ADGRG6: variants seen among roughly 807,000 people sequenced by gnomAD.
ADGRG6 encodes the protein G-protein coupled receptor 126.
In ADGRG6, 84 loss-of-function variants were observed where a neutral mutation model predicts 142.4. That is an observed-to-expected ratio of 0.59 (90% CI 0.49 to 0.71). The LOEUF is 0.71. Ranked by LOEUF, ADGRG6 falls within the 30% of genes least tolerant of loss-of-function variation. ADGRG6 has a pLI of 0.00. For synonymous variants in ADGRG6, 521 were observed against 520.5 expected, an observed-to-expected ratio of 1.00 and a Z score of -0.01; for missense variants, 1,367 against 1,466.6, an observed-to-expected ratio of 0.93 and a Z score of 1.11.
rs1776618158 is a variant in ADGRG6, at chr6:142,420,647, T to C, written c.3319+543T>C. The stretch of plus-strand genomic sequence containing the variant: ...AACTTTTATCTTTTTATGAGAAATG[T>C]TGAACATTTCACAGTTAGTTCAACA... On this transcript the variant is annotated intron_variant, in intron 22 of 24. Transcript: ENST00000367609. Among the ~76,000 whole-genome samples, 5 of 151,940 alleles carry C rather than the reference T, an allele frequency of 3.3e-5. No individual in the cohort carries two copies. The South Asian group carries it at 1.0e-3, about 31-fold the overall frequency.
chr6:142,331,762 G>A (rs1239863092), intron 2 of ADGRG6, among the ~76,000 whole-genome samples: 1 of 152,030 alleles, frequency 6.6e-6, no homozygotes, highest in African/African-American at 2.4e-5. Flanking sequence ...TTGTGACTAA[G>A]TAGGAAAATA....
chr6:142,443,970 T>C lies in ADGRG6; in HGVS notation c.*455T>C, dbSNP rs1562400644. On this transcript the variant is annotated 3_prime_UTR_variant, in exon 25 of 25. Transcript: ENST00000367609. ...TGAATGCCCACAAATCCCATTCCAG[T>C]GTTACTTTCTGTGAATGCAGTACCA... 1 of 152,650 alleles carries C rather than the reference T, an allele frequency of 6.6e-6. No homozygotes were observed. Among genetic ancestry groups the C allele is most frequent in the Admixed American group, 6.5e-5 (1 of 15,302 alleles). 9.5% of individuals were successfully genotyped at this position (152,650 alleles called of 1,614,324 possible).
chr6:142,305,272 A>G (rs1777431605), intron 1 of ADGRG6, among the ~76,000 whole-genome samples: 1 of 152,148 alleles, frequency 6.6e-6, no homozygotes, highest in Non-Finnish European at 1.5e-5. Flanking sequence ...CTCTTTTAGA[A>G]ATCATTTTAA....
At chr6:142,312,045 C>A (rs1777793942) in intron 2 of ADGRG6, among the ~76,000 whole-genome samples, 1 of 151,958 alleles carries the variant, frequency 6.6e-6, no homozygotes, top group Non-Finnish European at 1.5e-5. Flanking sequence ...ATTACCACCT[C>A]ATGTAATCCT....
At position 142,381,900 on chromosome 6, in the gene ADGRG6, A is replaced by G. The variant is rs374380544; in HGVS notation, c.1070-51A>G. The stretch of plus-strand genomic sequence containing the variant: ...ATCAACCGTATGATTTTTCTGGATA[A>G]TATCACTAAATCATAAATCAAACTT... On this transcript the variant is annotated intron_variant, in intron 4 of 24. Transcript: ENST00000367609. 70 of 1,125,234 alleles carry G rather than the reference A, an allele frequency of 6.2e-5. No individual in the cohort carries two copies. The African/African-American group carries it at 9.7e-4, about 16-fold the overall frequency. 69.7% of individuals were successfully genotyped at this position (1,125,234 alleles called of 1,614,324 possible). A position where few individuals can be genotyped will look rare whatever the true frequency, so the allele number is the denominator to read the frequency against.
intron 3 of ADGRG6, among the ~76,000 whole-genome samples, 192 bp downstream of exon 3, chr6:142,368,102 G>A (rs1280214429): frequency 6.6e-6 from 1 of 152,212 alleles, no homozygotes; most frequent in African/African-American, 2.4e-5. Flanking sequence ...GATCCAAAAT[G>A]TGGTTACAGT....
intron 2 of ADGRG6, among the ~76,000 whole-genome samples, chr6:142,363,433 A>G (rs1282790692): frequency 3.3e-5 from 5 of 152,206 alleles, no homozygotes; most frequent in Non-Finnish European, 7.4e-5. Flanking sequence ...ACTTTTCATT[A>G]TAGATTAGAG....
intron 2 of ADGRG6, among the ~76,000 whole-genome samples, chr6:142,359,687 C>G (rs141162490): frequency 0.014 from 2,129 of 152,240 alleles, 50 homozygotes; most frequent in African/African-American, 0.048. Flanking sequence ...AATCCATAGT[C>G]AGAGATTATA....
chr6:142,408,404 A>G, intron 16 of ADGRG6, 135 bp downstream of exon 16: 1 of 568,918 alleles, frequency 1.8e-6, no homozygotes, highest in African/African-American at 1.9e-5. Flanking sequence ...TAAAGAGAGA[A>G]CAACTGATCA....
At chr6:142,372,095 G>T (rs1208703174) in intron 4 of ADGRG6, among the ~76,000 whole-genome samples, 1 of 152,110 alleles carries the variant, frequency 6.6e-6, no homozygotes, top group Non-Finnish European at 1.5e-5. Flanking sequence ...GCTAAATGCA[G>T]AATATTTTGA....
chr6:142,408,187 T>C lies in ADGRG6; in HGVS notation c.2306T>C (p.Val769Ala). 6.3e-7 allele frequency: 1 copy of C among 1,590,288 alleles called. No individual in the cohort carries two copies. The highest frequency in any genetic ancestry group is 1.1e-5 in the South Asian group (1 of 87,336). ...GPQRKTLVSY[V>A]MACSIGNITI... ...CAAAGAAAAACTTTAGTGAGTTATGTGATGGCGTGCAGTATTGGAAACATT... is the reference window on the plus strand; with the variant it reads ...CAAAGAAAAACTTTAGTGAGTTATGCGATGGCGTGCAGTATTGGAAACATT... The change falls in exon 16 of 25, where the codon GTG becomes GCG. Residue 769 changes from valine to alanine, a missense_variant. This residue lies in a region of ADGRG6 where 286 missense variants were observed against 371.4 expected (regional missense o/e 0.77). Coordinates refer to ENST00000367609, the MANE Select transcript of ADGRG6 (RefSeq NM_198569.3).
intron 14 of ADGRG6, among the ~76,000 whole-genome samples, chr6:142,404,833 G>A (rs1775715478): frequency 6.6e-6 from 1 of 152,112 alleles, no homozygotes; most frequent in African/African-American, 2.4e-5. Flanking sequence ...GTAGAAGTCT[G>A]GGATAGCAGG....
At chr6:142,432,652 T>G (rs1777267540) in intron 22 of ADGRG6, among the ~76,000 whole-genome samples, 1 of 152,212 alleles carries the variant, frequency 6.6e-6, no homozygotes, top group Non-Finnish European at 1.5e-5. Context: ...TAATGTTATA[T>G]AATTATGATA....
chr6:142,322,089 G>A (rs1489818130), intron 2 of ADGRG6, among the ~76,000 whole-genome samples: 1 of 152,052 alleles, frequency 6.6e-6, no homozygotes, highest in African/African-American at 2.4e-5. Flanking sequence ...AGTATTCAGG[G>A]ATATTTTCAG....
chr6:142,405,961 A>T, intron 15 of ADGRG6, 133 bp downstream of exon 15: 1 of 564,898 alleles, frequency 1.8e-6, no homozygotes, highest in South Asian at 2.8e-5. Flanking sequence ...AAAACTGAAA[A>T]TTTTTAATAT....
intron 17 of ADGRG6, among the ~76,000 whole-genome samples, chr6:142,410,614 A>G (rs1006704551): frequency 6.6e-6 from 1 of 152,108 alleles, no homozygotes; most frequent in African/African-American, 2.4e-5. Context: ...CAGCCTGAAA[A>G]GGGCAAAAAC....
At position 142,405,825 on chromosome 6, in the gene ADGRG6, C is replaced by T; in HGVS notation, c.2265C>T (p.Phe755=). The part of the protein sequence containing the change: ...QFTFFNKTGL[F]QDVGPQRKTL... Reference sequence around the variant, plus strand: ...CTTTCTTCAACAAAACTGGACTTTTCCAGGTAAGCACATTCATTAAATTAT... The same window carrying T: ...CTTTCTTCAACAAAACTGGACTTTTTCAGGTAAGCACATTCATTAAATTAT... Residue 755 remains phenylalanine, a synonymous_variant, in exon 15 of 25, where the codon TTC becomes TTT. Coordinates refer to ENST00000367609, the MANE Select transcript of ADGRG6 (RefSeq NM_198569.3). 3 of 1,591,316 alleles carry T rather than the reference C, an allele frequency of 1.9e-6. No homozygotes were observed. Among genetic ancestry groups the T allele is most frequent in the Non-Finnish European group, 2.6e-6 (3 of 1,169,612 alleles).
At chr6:142,350,547 T>G (rs945960245) in intron 2 of ADGRG6, among the ~76,000 whole-genome samples, 2 of 152,230 alleles carry the variant, frequency 1.3e-5, no homozygotes, top group Non-Finnish European at 2.9e-5. Context: ...TATGGCTTCT[T>G]GTCTTTCCTA....
chr6:142,345,774 A>G (rs1405655350), intron 2 of ADGRG6, among the ~76,000 whole-genome samples: 1 of 152,150 alleles, frequency 6.6e-6, no homozygotes, highest in African/African-American at 2.4e-5. Flanking sequence ...TGTTTCCTTT[A>G]TTACATGGTT....
Sources: gnomAD v4.1 joint callset for allele counts (sites outside exome capture counted in the v4.1 genomes callset) on GRCh38, gnomAD v4.1.1 for gene constraint, gnomAD v4.1.1 regional missense constraint, MANE v1.5 for transcripts, NCBI Gene and HGNC (gene_info 2026-07-23, HGNC 2026-07-21) for gene names.